The following MAGI1 variants were observed in gnomAD, a reference collection of about 807,000 sequenced individuals.
MAGI1 encodes membrane associated guanylate kinase, WW and PDZ domain containing 1, also known as membrane-associated guanylate kinase, WW and PDZ domain-containing protein 1.
A neutral mutation model predicts 139.9 loss-of-function variants in MAGI1; 58 were observed. The ratio of observed to expected loss-of-function variants is 0.41; its 90% CI spans 0.34 to 0.52. The LOEUF is 0.52. MAGI1 is among the 20% of genes least tolerant of loss of function. MAGI1 has a pLI of 0.12. For synonymous variants in MAGI1, 812 were observed against 737.9 expected (o/e 1.10, Z -1.63); for missense variants, 1,874 against 1,901.6 (o/e 0.99, Z 0.27).
chr3:65,991,563 G>C (rs923399563), intron 1 of MAGI1, among the ~76,000 whole-genome samples: 2 of 152,088 alleles, frequency 1.3e-5, no homozygotes, highest in Non-Finnish European at 2.9e-5. Context: ...AATGCAAGCA[G>C]ACTACCTCCT....
intron 1 of MAGI1, among the ~76,000 whole-genome samples, chr3:65,682,345 T>G (rs982659351): frequency 9.9e-5 from 15 of 152,276 alleles, no homozygotes; most frequent in African/African-American, 3.6e-4. Flanking sequence ...TAATCAAGAC[T>G]GTGGTACTGG....
chr3:65,694,203 C>G (rs2088938724), intron 1 of MAGI1, among the ~76,000 whole-genome samples: 1 of 152,152 alleles, frequency 6.6e-6, no homozygotes, highest in Non-Finnish European at 1.5e-5. Context: ...GTAATACACT[C>G]AAACTCCTTT....
chr3:65,967,976 G>A (rs1026966634), intron 1 of MAGI1, among the ~76,000 whole-genome samples: 5 of 152,180 alleles, frequency 3.3e-5, no homozygotes, highest in African/African-American at 1.2e-4. Flanking sequence ...AAGGAGACAG[G>A]TTATGTCTTT....
intron 1 of MAGI1, among the ~76,000 whole-genome samples, chr3:66,003,351 T>A (rs1314858412): frequency 6.6e-6 from 1 of 152,086 alleles, no homozygotes; most frequent in Non-Finnish European, 1.5e-5. Flanking sequence ...GGCTTGTTGA[T>A]TCAAGGTTAA....
At chr3:65,424,479 T>C (rs1946862518) in intron 12 of MAGI1, among the ~76,000 whole-genome samples, 1 of 152,120 alleles carries the variant, frequency 6.6e-6, no homozygotes, top group African/African-American at 2.4e-5. Context: ...GACCCTGAAA[T>C]TATTTAGCGG....
chr3:65,774,204 C>T (rs190484178), intron 1 of MAGI1, among the ~76,000 whole-genome samples: 2 of 152,028 alleles, frequency 1.3e-5, no homozygotes, highest in African/African-American at 2.4e-5. Flanking sequence ...CATATAATTC[C>T]GGCTAAACCA....
rs575869774 is a variant in MAGI1, at chr3:65,577,036, G to GGCAC, written c.430+44932_430+44935dup. The stretch of plus-strand genomic sequence containing the variant: ...ATGTAAGTAGTCTTTCACATACCAT[G>GGCAC]GCACATTAAGTTCGATCCACATACA... On this transcript the variant is annotated intron_variant, in intron 2 of 22. Transcript: ENST00000402939. Among the ~76,000 whole-genome samples, 131 of 152,226 alleles carry GGCAC rather than the reference G, an allele frequency of 8.6e-4. 2 individuals are homozygous for GGCAC. The South Asian group carries it at 0.026, about 30-fold the overall frequency.
chr3:65,515,306 TA>T (rs906696343), intron 2 of MAGI1, among the ~76,000 whole-genome samples: 34 of 148,522 alleles, frequency 2.3e-4, no homozygotes, highest in Middle Eastern at 3.4e-3. Context: ...ACTTAAAGTA[TA>T]AAAAAAAAAG....
At chr3:65,665,461 T>G (rs1422615558) in intron 1 of MAGI1, among the ~76,000 whole-genome samples, 1 of 152,190 alleles carries the variant, frequency 6.6e-6, no homozygotes, top group Non-Finnish European at 1.5e-5. Context: ...CAGGAAAGTG[T>G]TCAACCCTTC....
chr3:65,492,575 A>G (rs924103330), intron 3 of MAGI1, among the ~76,000 whole-genome samples: 1 of 152,230 alleles, frequency 6.6e-6, no homozygotes, highest in Non-Finnish European at 1.5e-5. Flanking sequence ...ACTGTTAAAC[A>G]AAAAGAGCAA....
At chr3:65,996,547 G>C (rs961008246) in intron 1 of MAGI1, among the ~76,000 whole-genome samples, 5 of 151,752 alleles carry the variant, frequency 3.3e-5, no homozygotes, top group East Asian at 1.9e-4. Context: ...CTAAGGGGGG[G>C]GGGGGGGAAG....
intron 1 of MAGI1, among the ~76,000 whole-genome samples, chr3:65,876,989 C>T (rs1341294243): frequency 9.2e-5 from 14 of 152,082 alleles, no homozygotes; most frequent in Admixed American, 5.2e-4. Flanking sequence ...ATGATCCGCC[C>T]GCCTCGGCCT....
At chr3:65,853,235 A>G (rs1316667219) in intron 1 of MAGI1, among the ~76,000 whole-genome samples, 1 of 152,232 alleles carries the variant, frequency 6.6e-6, no homozygotes, top group Admixed American at 6.5e-5. Context: ...GTTAATTCAT[A>G]ACTCAAGATT....
chr3:65,759,581 T>A (rs1375059281), intron 1 of MAGI1, among the ~76,000 whole-genome samples: 1 of 151,998 alleles, frequency 6.6e-6, no homozygotes, highest in Non-Finnish European at 1.5e-5. Flanking sequence ...CCAGCAGCAG[T>A]GGGTGGGGGG....
intron 1 of MAGI1, among the ~76,000 whole-genome samples, chr3:66,014,612 C>T (rs2067522396): frequency 6.6e-6 from 1 of 152,106 alleles, no homozygotes; most frequent in Admixed American, 6.6e-5. Context: ...TTGAGTATTT[C>T]CAAAGAATAG....
chr3:65,604,683 G>C (rs56410097), intron 2 of MAGI1, among the ~76,000 whole-genome samples: 1 of 151,568 alleles, frequency 6.6e-6, no homozygotes, highest in South Asian at 2.1e-4. Flanking sequence ...TTTCCTACTG[G>C]ATTTTAACTT....
At chr3:65,870,760 TA>T (rs1184686023) in intron 1 of MAGI1, among the ~76,000 whole-genome samples, 13 of 150,348 alleles carry the variant, frequency 8.6e-5, no homozygotes, top group Non-Finnish European at 1.2e-4. Flanking sequence ...GAAGAAAGAC[TA>T]AGACTTTTAT....
chr3:65,379,427 C>G lies in MAGI1; in HGVS notation c.2829G>C (p.Ser943=). ...GSQNSLNTVS[S]GSGSTSGIGS... is the part of the protein sequence containing the mutation. Reference sequence around the variant, plus strand: ...CGATGCCGCTGGTGCTGCCGCTGCCCGAGCTCACCGTGTTCAGCGAGTTCT... The same window carrying G: ...CGATGCCGCTGGTGCTGCCGCTGCCGGAGCTCACCGTGTTCAGCGAGTTCT... The change falls in exon 17 of 23, where the codon TCG becomes TCC. Residue 943 remains serine, a synonymous_variant. Coordinates refer to ENST00000402939, the MANE Select transcript of MAGI1 (RefSeq NM_001033057.2). 1 of 1,613,664 alleles carries G rather than the reference C, an allele frequency of 6.2e-7. No individual in the cohort carries two copies. The highest frequency in any genetic ancestry group is 8.5e-7 in the Non-Finnish European group (1 of 1,179,696).
chr3:65,610,108 TTTC>T (rs2082970070), intron 2 of MAGI1: 1 of 152,046 alleles, frequency 6.6e-6, no homozygotes, highest in Non-Finnish European at 1.5e-5. Flanking sequence ...TATCTAACTG[TTTC>T]TTGATTTATA....
Sources: gnomAD v4.1 joint callset for allele counts (sites outside exome capture counted in the v4.1 genomes callset) on GRCh38, gnomAD v4.1.1 for gene constraint, MANE v1.5 for transcripts, NCBI Gene and HGNC (gene_info 2026-07-23, HGNC 2026-07-21) for gene names.